Variants in SAMD12 observed in about 807,000 individuals in gnomAD.
The protein encoded by SAMD12 is sterile alpha motif domain containing 12.
A neutral mutation model predicts 15.0 loss-of-function variants in SAMD12; 9 were observed. The ratio of observed to expected loss-of-function variants is 0.60; its 90% CI spans 0.36 to 1.05. The LOEUF (loss-of-function observed/expected upper bound fraction) is 1.05, where lower values mean the gene tolerates loss of function less well. Ranked by LOEUF, SAMD12 falls within the 50% of genes least tolerant of loss-of-function variation. The pLI is 0.01. For synonymous variants in SAMD12, 86 were observed against 90.1 expected, an observed-to-expected ratio of 0.96 and a Z score of 0.25; for missense variants, 230 against 234.2, an observed-to-expected ratio of 0.98 and a Z score of 0.12.
chr8:118,391,533 A>G (rs1041418859), intron 3 of SAMD12, among the ~76,000 whole-genome samples: 2 of 152,166 alleles, frequency 1.3e-5, no homozygotes, highest in Non-Finnish European at 2.9e-5. Context: ...ACAACTAAAC[A>G]CATAAGGACA....
chr8:118,538,885 AT>A (rs1416451292), intron 2 of SAMD12, among the ~76,000 whole-genome samples: 4 of 152,178 alleles, frequency 2.6e-5, no homozygotes, highest in African/African-American at 7.2e-5. Flanking sequence ...TAAGGCATCT[AT>A]TTGTATGTTC....
At chr8:118,450,111 C>A (rs1325520050) in intron 2 of SAMD12, among the ~76,000 whole-genome samples, 3 of 152,204 alleles carry the variant, frequency 2.0e-5, no homozygotes, top group African/African-American at 7.2e-5. Flanking sequence ...TAAAAGCACA[C>A]TATCCAGATG....
the SAMD12 span, among the ~76,000 whole-genome samples, chr8:118,138,085 C>T: frequency 6.6e-6 from 1 of 152,030 alleles, no homozygotes; most frequent in South Asian, 2.1e-4. Context: ...AGGAATAAGG[C>T]AGAGGGTGAG....
At chr8:118,248,422 C>T (rs957219005) in intron 4 of SAMD12, among the ~76,000 whole-genome samples, 2 of 152,190 alleles carry the variant, frequency 1.3e-5, no homozygotes, top group Admixed American at 6.5e-5. Context: ...GTCCAGCAGT[C>T]AAGCTGGTGG....
At chr8:118,464,855 A>G (rs1011599054) in intron 2 of SAMD12, among the ~76,000 whole-genome samples, 3 of 152,156 alleles carry the variant, frequency 2.0e-5, no homozygotes, top group African/African-American at 7.2e-5. Flanking sequence ...AACAGTTTGG[A>G]ACTCCTCCCA....
At chr8:118,149,684 T>G in the SAMD12 span, among the ~76,000 whole-genome samples, 34 of 152,186 alleles carry the variant, frequency 2.2e-4, no homozygotes, top group African/African-American at 8.0e-4. Flanking sequence ...CTATGTTTTC[T>G]TCTAGAGTTT....
chr8:118,144,793 G>C, the SAMD12 span, among the ~76,000 whole-genome samples: 2 of 151,968 alleles, frequency 1.3e-5, no homozygotes, highest in East Asian at 3.9e-4. Flanking sequence ...ACGAGGATGC[G>C]TTTTAGAAAG....
chr8:118,333,880 G>A (rs10099605), intron 4 of SAMD12, among the ~76,000 whole-genome samples: 2,374 of 148,104 alleles, frequency 0.016, 26 homozygotes, highest in South Asian at 0.036. Context: ...GTGTGTGTGC[G>A]TTGGTGGGGG....
At chr8:118,415,340 TA>T (rs1313554596) in intron 3 of SAMD12, among the ~76,000 whole-genome samples, 1 of 152,048 alleles carries the variant, frequency 6.6e-6, no homozygotes, top group Non-Finnish European at 1.5e-5. Context: ...AAGACACAAA[TA>T]ATGAACCACA....
At chr8:118,221,506 G>A (rs373895751) in intron 4 of SAMD12, among the ~76,000 whole-genome samples, 15 of 151,852 alleles carry the variant, frequency 9.9e-5, no homozygotes, top group African/African-American at 3.6e-4. Flanking sequence ...ATGGCAAGAA[G>A]TAAAAAATAA....
At chr8:118,133,753 G>GT in the SAMD12 span, among the ~76,000 whole-genome samples, 1 of 151,722 alleles carries the variant, frequency 6.6e-6, no homozygotes, top group African/African-American at 2.4e-5. Context: ...GGTGGTGGTT[G>GT]TTTTTTGCTT....
At chr8:118,315,411 T>A (rs10481135) in intron 4 of SAMD12, among the ~76,000 whole-genome samples, 51,378 of 151,990 alleles carry the variant, frequency 0.34, 10,411 homozygotes, top group African/African-American at 0.57. Flanking sequence ...CCAGATCTCC[T>A]AAATTCCTGA....
chr8:118,171,950 T>C, the SAMD12 span, among the ~76,000 whole-genome samples: 1 of 152,106 alleles, frequency 6.6e-6, no homozygotes, highest in African/African-American at 2.4e-5. Context: ...TTCATGTCTT[T>C]TGTAGGGTCA....
At chr8:118,426,874 AT>A (rs1822250818) in intron 3 of SAMD12, among the ~76,000 whole-genome samples, 1 of 152,248 alleles carries the variant, frequency 6.6e-6, no homozygotes, top group African/African-American at 2.4e-5. Flanking sequence ...TAATTAAAAA[AT>A]ATTAATGAGC....
intron 1 of SAMD12, among the ~76,000 whole-genome samples, chr8:118,582,047 G>GGCCAT (rs1417028986): frequency 2.6e-5 from 4 of 152,058 alleles, no homozygotes; most frequent in Admixed American, 2.6e-4. Flanking sequence ...ACTCCATTTA[G>GGCCAT]GCCATAGTTT....
At chr8:118,234,298 T>G (rs1812380690) in intron 4 of SAMD12, among the ~76,000 whole-genome samples, 1 of 152,006 alleles carries the variant, frequency 6.6e-6, no homozygotes, top group Non-Finnish European at 1.5e-5. Flanking sequence ...CATTGTCTAT[T>G]TCCTAACTTT....
intron 3 of SAMD12, among the ~76,000 whole-genome samples, chr8:118,426,429 T>C (rs577687480): frequency 2.6e-5 from 4 of 152,284 alleles, no homozygotes; most frequent in South Asian, 2.1e-4. Flanking sequence ...TTCTAGGTAC[T>C]GGACAGGCAT....
chr8:118,475,324 A>G (rs1436769803), intron 2 of SAMD12, among the ~76,000 whole-genome samples: 8 of 152,128 alleles, frequency 5.3e-5, no homozygotes. Flanking sequence ...CTCTGCACAC[A>G]CTGCCTCTCC....
chr8:118,367,943 A>C (rs534017818), intron 4 of SAMD12, among the ~76,000 whole-genome samples: 1 of 152,332 alleles, frequency 6.6e-6, no homozygotes, highest in East Asian at 1.9e-4. Flanking sequence ...TAAATGACCT[A>C]ATGGATTCCC....
Sources: allele counts gnomAD v4.1 joint callset (sites outside exome capture counted in the v4.1 genomes callset), GRCh38; gene constraint gnomAD v4.1.1; transcripts MANE v1.5; gene names NCBI Gene and HGNC (gene_info 2026-07-23, HGNC 2026-07-21).